Variants in STK39 observed in about 807,000 individuals in gnomAD.
The protein encoded by STK39 is serine/threonine kinase 39.
Under a neutral mutation model 77.8 loss-of-function variants are expected in STK39, and 20 were observed. The observed-to-expected ratio is 0.26, with a 90% CI of 0.18 to 0.37. The LOEUF is 0.37. Ranked by LOEUF, STK39 falls within the 10% of genes least tolerant of loss-of-function variation. The pLI is 1.00. For missense variants in STK39, 479 were observed against 656.5 expected (o/e 0.73, Z 2.95); for synonymous variants, 246 against 234.1 (o/e 1.05, Z -0.47).
At chr2:167,970,083 T>C (rs1692288597) in intron 16 of STK39, among the ~76,000 whole-genome samples, 1 of 152,132 alleles carries the variant, frequency 6.6e-6, no homozygotes, top group African/African-American at 2.4e-5. Flanking sequence ...CCTCCATGAC[T>C]CCATGACTGC....
At chr2:168,017,441 A>G (rs1684443446) in intron 14 of STK39, among the ~76,000 whole-genome samples, 1 of 120,426 alleles carries the variant, frequency 8.3e-6, no homozygotes, top group Non-Finnish European at 1.6e-5. Context: ...CTGGAGTGCG[A>G]TGGTGTGATC....
intron 2 of STK39, among the ~76,000 whole-genome samples, chr2:168,177,260 C>A (rs75113250): frequency 1.3e-5 from 2 of 151,956 alleles, no homozygotes; most frequent in African/African-American, 4.8e-5. Context: ...TTTAATGACA[C>A]AAATGCTTTG....
intron 14 of STK39, among the ~76,000 whole-genome samples, chr2:168,042,361 A>G (rs1426148246): frequency 6.6e-6 from 1 of 152,170 alleles, no homozygotes; most frequent in Non-Finnish European, 1.5e-5. Flanking sequence ...CCATCTCTCT[A>G]CGGAAAAGCC....
chr2:168,044,739 C>T lies in STK39; in HGVS notation c.1376+18761G>A, dbSNP rs115464767. ...AGCTTTTTGGGAAGGTGAGCGAAGA[C>T]CTGTTTGTCTGCAGTGGAAGGAGAG... On this transcript the variant is annotated intron_variant, in intron 14 of 17. Coordinates refer to ENST00000355999, the MANE Select transcript of STK39 (RefSeq NM_013233.3). Among the ~76,000 whole-genome samples the T allele has an allele frequency of 8.6e-3, 1,316 of 152,270 alleles. 18 individuals carry two copies. The highest frequency in any genetic ancestry group is 0.03 in the African/African-American group (1,257 of 41,542).
chr2:168,026,106 C>T (rs367739261), intron 14 of STK39, among the ~76,000 whole-genome samples: 15 of 152,224 alleles, frequency 9.9e-5, no homozygotes, highest in Admixed American at 4.6e-4. Context: ...TTTTGAGGCA[C>T]ATAGAAATAG....
At chr2:168,216,760 C>T (rs560471664) in intron 1 of STK39, among the ~76,000 whole-genome samples, 1 of 152,348 alleles carries the variant, frequency 6.6e-6, no homozygotes, top group East Asian at 1.9e-4. Flanking sequence ...CACCGCCACA[C>T]CTCTTAGGCA....
chr2:167,969,399 T>C (rs1367624709), intron 16 of STK39, among the ~76,000 whole-genome samples: 3 of 152,224 alleles, frequency 2.0e-5, no homozygotes, highest in Non-Finnish European at 4.4e-5. Flanking sequence ...ATTTTTAACA[T>C]GGTCAGTGAG....
intron 15 of STK39, among the ~76,000 whole-genome samples, chr2:168,014,039 T>C (rs77188862): frequency 0.042 from 6,386 of 152,286 alleles, 475 homozygotes; most frequent in African/African-American, 0.14. Context: ...TGTGGTATTC[T>C]GCCATTTTAC....
intron 14 of STK39, among the ~76,000 whole-genome samples, chr2:168,057,635 G>A (rs956478872): frequency 6.6e-6 from 1 of 152,122 alleles, no homozygotes. Flanking sequence ...GTTCCAGCCT[G>A]TTAATCCTTC....
intron 10 of STK39, among the ~76,000 whole-genome samples, chr2:168,083,277 A>G (rs1455723606): frequency 6.9e-6 from 1 of 144,402 alleles, no homozygotes; most frequent in Non-Finnish European, 1.5e-5. Flanking sequence ...TCCAATTGGA[A>G]TTTTGCCTAT....
At chr2:168,104,763 A>G (rs1686925013) in intron 10 of STK39, among the ~76,000 whole-genome samples, 1 of 152,224 alleles carries the variant, frequency 6.6e-6, no homozygotes, top group Non-Finnish European at 1.5e-5. Context: ...GTATCTACCC[A>G]AATTACAAAT....
chr2:167,964,504 T>C (rs1692091716), intron 17 of STK39, 158 bp downstream of exon 17: 1 of 650,292 alleles, frequency 1.5e-6, no homozygotes, highest in Non-Finnish European at 2.6e-6. Flanking sequence ...AAACGTTCCC[T>C]AACGCTGCAG....
chr2:168,223,275 T>C lies in STK39; in HGVS notation c.208+23953A>G, dbSNP rs148811368. The stretch of plus-strand genomic sequence containing the variant: ...CTATAATCTCAGCACTTTGGGAGGC[T>C]GAGGTAGGCAGATCACTTGAGGTCA... On this transcript the variant is annotated intron_variant, in intron 1 of 17. Transcript: ENST00000355999. Among the ~76,000 whole-genome samples, 291 of 152,124 alleles carry C rather than the reference T, an allele frequency of 1.9e-3. 4 individuals carry two copies. Among genetic ancestry groups the C allele is most frequent in the African/African-American group, 6.7e-3 (276 of 41,470 alleles).
At chr2:167,956,726 T>TC (rs1559032457) in intron 17 of STK39, among the ~76,000 whole-genome samples, 41 of 47,776 alleles carry the variant, frequency 8.6e-4, no homozygotes, top group Non-Finnish European at 1.3e-3. Flanking sequence ...TCTCTCTCTC[T>TC]CTCCCCCCCC....
At chr2:168,184,563 G>T (rs1336867043) in intron 1 of STK39, among the ~76,000 whole-genome samples, 1 of 152,142 alleles carries the variant, frequency 6.6e-6, no homozygotes, top group Non-Finnish European at 1.5e-5. Flanking sequence ...AGAAAACAGG[G>T]TCCTGTGAAG....
chr2:168,033,729 C>T (rs1170419282), intron 14 of STK39, among the ~76,000 whole-genome samples: 2 of 152,176 alleles, frequency 1.3e-5, no homozygotes, highest in Non-Finnish European at 2.9e-5. Flanking sequence ...TACTTGGTTG[C>T]TTAGGCCGAC....
intron 16 of STK39, 93 bp downstream of exon 16, chr2:168,012,541 A>G: frequency 1.1e-6 from 1 of 912,360 alleles, no homozygotes; most frequent in Non-Finnish European, 1.7e-6. Context: ...AAATATTCAG[A>G]GTGAATTATT....
intron 16 of STK39, among the ~76,000 whole-genome samples, chr2:167,999,732 G>A (rs919965834): frequency 6.6e-6 from 1 of 152,116 alleles, no homozygotes; most frequent in Admixed American, 6.5e-5. Flanking sequence ...AAAGTGCTGG[G>A]ATTACAGGCA....
intron 2 of STK39, among the ~76,000 whole-genome samples, chr2:168,169,213 G>C (rs916584732): frequency 6.6e-6 from 1 of 152,016 alleles, no homozygotes; most frequent in Non-Finnish European, 1.5e-5. Flanking sequence ...ATCTGTTTCC[G>C]GTATTAGGTT....
Sources: gnomAD v4.1 joint callset for allele counts (sites outside exome capture counted in the v4.1 genomes callset) on GRCh38, gnomAD v4.1.1 for gene constraint, MANE v1.5 for transcripts, NCBI Gene and HGNC (gene_info 2026-07-23, HGNC 2026-07-21) for gene names.